CHD8: variants seen among roughly 807,000 people sequenced by gnomAD.
CHD8 encodes the protein ATP-dependent chromatin remodeler CHD8.
Under a neutral mutation model 279.2 loss-of-function variants are expected in CHD8, and 31 were observed. The ratio of observed to expected loss-of-function variants is 0.11; its 90% CI spans 0.08 to 0.15. CHD8 has a LOEUF of 0.15. Ranked by LOEUF, CHD8 falls within the 10% of genes least tolerant of loss-of-function variation. The pLI is 1.00. For synonymous variants in CHD8, 1,081 were observed against 1,139.6 expected (o/e 0.95, Z 1.04); for missense variants, 2,146 against 3,230.5 (o/e 0.66, Z 8.14).
At chr14:21,421,995 C>T (rs1253190451) in intron 5 of CHD8, among the ~76,000 whole-genome samples, 1 of 152,192 alleles carries the variant, frequency 6.6e-6, no homozygotes, top group Non-Finnish European at 1.5e-5. Flanking sequence ...CAGGAGAAAA[C>T]AAACTTGCAG....
intron 1 of CHD8, among the ~76,000 whole-genome samples, chr14:21,434,988 A>G (rs1316344562): frequency 6.6e-6 from 1 of 152,208 alleles, no homozygotes; most frequent in African/African-American, 2.4e-5. Context: ...AAAAATGAAC[A>G]GATGTTAAGT....
chr14:21,418,984 G>C (rs1888885367), intron 5 of CHD8, among the ~76,000 whole-genome samples: 1 of 152,152 alleles, frequency 6.6e-6, no homozygotes, highest in East Asian at 1.9e-4. Context: ...TTCTTCACTT[G>C]GTGAAGTAAC....
At chr14:21,445,993 C>T (rs542124383) in intron 1 of CHD8, among the ~76,000 whole-genome samples, 6 of 151,372 alleles carry the variant, frequency 4.0e-5, no homozygotes, top group Admixed American at 1.3e-4. Context: ...AGCGAGACTC[C>T]GTCTCAAAAA....
chr14:21,386,107 G>A lies in CHD8; in HGVS notation c.7252C>T (p.Arg2418Trp), dbSNP rs372825432. The change falls in exon 38 of 38, where the codon CGG becomes TGG. Residue 2418 changes from arginine (R) to tryptophan (W), a missense_variant. Physicochemically the swap from Arg to Trp is moderately radical, Grantham distance 101. Transcript: ENST00000646647. ...AGGTCTGGTCGCATCCTACGGGCCC[G>A]CTTCTTGCTGCTCTCTGGTGCAATA... ...GPIAPESSKK[R>W]ARRMRPDLSK... 121 of 1,555,292 alleles carry A rather than the reference G, an allele frequency of 7.8e-5. No homozygotes were observed. Among genetic ancestry groups the A allele is most frequent in the Non-Finnish European group, 9.7e-5 (112 of 1,148,962 alleles).
At position 21,427,877 on chromosome 14, in the gene CHD8, G is replaced by A. The variant is rs1044867253; in HGVS notation, c.1593C>T (p.Ser531=). The part of the protein sequence containing the change: ...TSGASKTKGK[S]KLNTITPVVG... ...TAGCAAGGAGTACTCACTTGAGCTT[G>A]CTCTTGCCCTTTGTTTTGGAGGCAC... Residue 531 remains serine (S), a synonymous_variant, in exon 4 of 38, where the codon AGC becomes AGT. Coordinates refer to ENST00000646647, the MANE Select transcript of CHD8 (RefSeq NM_001170629.2). 1 of 1,613,850 alleles carries A rather than the reference G, an allele frequency of 6.2e-7. No homozygotes were observed. The highest frequency in any genetic ancestry group is 1.3e-5 in the African/African-American group (1 of 75,018).
In CHD8 at chr14:21,402,355, C is replaced by T. The variant is rs1465047211; in HGVS notation, c.3863G>A (p.Arg1288Gln). 1.9e-6 allele frequency: 3 copies of T among 1,613,944 alleles called. No homozygotes were observed. Among genetic ancestry groups the T allele is most frequent in the East Asian group, 2.2e-5 (1 of 44,872 alleles). Reference protein sequence around the residue: ...DKAVLQSMSGRDGNITGIQQF... With the variant: ...DKAVLQSMSGQDGNITGIQQF... ...ACTCACTCCAGTAATGTTGCCATCC[C>T]GACCACTCATGGATTGAAGCACAGC... is the stretch of plus-strand genomic sequence containing the variant. The change falls in exon 19 of 38, where the codon CGG becomes CAG. Residue 1288 changes from arginine (R) to glutamine (Q), a missense_variant. Around this residue, in one of 26 missense-constraint regions of CHD8, gnomAD observed 35 missense variants for 82.4 expected, o/e 0.42. Transcript: ENST00000646647. This position sits in a 1 kb window ranked among gnomAD's most constrained non-coding sequence, Gnocchi z 4.5.
At chr14:21,437,215 G>C in intron 1 of CHD8, 1 of 1,181,204 alleles carries the variant, frequency 8.5e-7, no homozygotes, top group Non-Finnish European at 1.1e-6. Context: ...GTGGGGGGCC[G>C]GTTCGCCCCT....
Position 21,385,987 on chromosome 14 carries a change from A to G in CHD8, c.7372T>C (p.Ser2458Pro), listed in dbSNP as rs1272196603. The change falls in exon 38 of 38, where the codon TCA becomes CCA. Residue 2458 changes from serine (S) to proline (P), a missense_variant. By Grantham distance (74) the Ser-to-Pro change is moderately conservative (BLOSUM62 -1). Around this residue, in one of 26 missense-constraint regions of CHD8, gnomAD observed 336 missense variants for 392.9 expected, o/e 0.86. Transcript: ENST00000646647. ...GTGGCACTGCTGTGACCCAAAGATG[A>G]CACAGACTGTAGGCCACTACTGCTG... ...QHSSSGLQSV[S>P]SLGHSSATSA... The G allele has an allele frequency of 6.3e-7, 1 of 1,581,226 alleles. No individual in the cohort carries two copies. The highest frequency in any genetic ancestry group is 1.2e-5 in the South Asian group (1 of 86,092).
intron 1 of CHD8, among the ~76,000 whole-genome samples, chr14:21,445,819 G>A (rs926255024): frequency 1.3e-5 from 2 of 151,724 alleles, no homozygotes; most frequent in African/African-American, 4.8e-5. Context: ...GGCCAAGATG[G>A]TGAAACCCTG....
intron 16 of CHD8, among the ~76,000 whole-genome samples, chr14:21,404,606 C>G (rs1285715716): frequency 3.3e-5 from 5 of 152,056 alleles, no homozygotes; most frequent in African/African-American, 1.2e-4. Flanking sequence ...ACAGAGTAAC[C>G]TAAGAGTGTT....
intron 33 of CHD8, 85 bp from the exon 34 acceptor site, chr14:21,392,894 C>T: frequency 7.3e-7 from 1 of 1,364,488 alleles, no homozygotes; most frequent in Non-Finnish European, 1.0e-6. Flanking sequence ...GCCATCACTA[C>T]CAGGATGGGT....
rs112730374 is a variant in CHD8 at position 21,445,082 on chromosome 14, G to A, written c.-216+10950C>T. Among the ~76,000 whole-genome samples, 55 of 152,130 alleles carry A rather than the reference G, an allele frequency of 3.6e-4. 1 individual carries two copies. Among genetic ancestry groups the A allele is most frequent in the African/African-American group, 6.3e-4 (26 of 41,500 alleles). ...AGACCAGAAACCTACCTTACTACCC[G>A]TACCCAGTATTTTAAATTCCCATCT... is the stretch of plus-strand genomic sequence containing the variant. On this transcript the variant is annotated intron_variant, in intron 1 of 37. Coordinates refer to ENST00000646647, the MANE Select transcript of CHD8 (RefSeq NM_001170629.2).
In CHD8 at chr14:21,407,182, A is replaced by G. The variant is rs987062341; in HGVS notation, c.2731-150T>C. On this transcript the variant is annotated intron_variant, in intron 13 of 37. Transcript: ENST00000646647. Reference sequence around the variant, plus strand: ...CCACCGCTGTTTATCTTCCTGAAAAATAGTGCCATATCACTGAATGTAAGA... The same window carrying G: ...CCACCGCTGTTTATCTTCCTGAAAAGTAGTGCCATATCACTGAATGTAAGA... 1.4e-5 allele frequency: 9 copies of G among 625,586 alleles called. No individual in the cohort carries two copies. In the African/African-American group the frequency reaches 1.5e-4, roughly 10 times the overall value. The allele number at this position is 625,586 out of a possible 1,614,324, so 38.8% of individuals were successfully genotyped here.
chr14:21,414,646 G>T, intron 8 of CHD8: 2 of 592,284 alleles, frequency 3.4e-6, no homozygotes, highest in Non-Finnish European at 3.0e-6. Flanking sequence ...TGCTAATTCT[G>T]CTGATCCATG....
chr14:21,420,549 AAGT>A (rs1410929608), intron 5 of CHD8, among the ~76,000 whole-genome samples: 1 of 152,210 alleles, frequency 6.6e-6, no homozygotes, highest in African/African-American at 2.4e-5. Flanking sequence ...ATAAAAAAGA[AAGT>A]AGAGGAGGAG....
In CHD8 at chr14:21,400,716, A is replaced by T. The variant is rs934675275; in HGVS notation, c.4371-104T>A. ...GTGTGAAACAAAGATCTTAAAAAACATGGTAACAGAATAAACAGAACAAAC... is the reference window on the plus strand; with the variant it reads ...GTGTGAAACAAAGATCTTAAAAAACTTGGTAACAGAATAAACAGAACAAAC... On this transcript the variant is annotated intron_variant, in intron 22 of 37. Coordinates refer to ENST00000646647, the MANE Select transcript of CHD8 (RefSeq NM_001170629.2). The surrounding 1 kb of genome is among the most constrained non-coding windows in gnomAD (Gnocchi z 4.2). 8 of 1,294,920 alleles carry T rather than the reference A, an allele frequency of 6.2e-6. No homozygotes were observed. The East Asian group carries it at 1.9e-4, about 32-fold the overall frequency. 80.2% of individuals were successfully genotyped at this position (1,294,920 alleles called of 1,614,324 possible).
intron 1 of CHD8, chr14:21,437,153 G>C (rs1889818550): frequency 9.3e-7 from 1 of 1,076,218 alleles, no homozygotes; most frequent in African/African-American, 1.6e-5. Context: ...AGGAGAAAAC[G>C]AGCTGTGCCT....
chr14:21,399,249 C>A, intron 26 of CHD8: 1 of 295,878 alleles, frequency 3.4e-6, no homozygotes, highest in South Asian at 3.3e-5. Flanking sequence ...AGAGGAAAGT[C>A]ATATAAATTA....
Position 21,395,383 on chromosome 14 carries a change from A to T in CHD8, c.5128-31T>A, listed in dbSNP as rs1450451967. ...GAAGGAGATCCACCCAATAGGATGG[A>T]GCGGGGAGGGAAAGGGGGGGAAGTT... On this transcript the variant is annotated intron_variant, in intron 28 of 37. Coordinates refer to ENST00000646647, the MANE Select transcript of CHD8 (RefSeq NM_001170629.2). 2.6e-6 allele frequency: 4 copies of T among 1,541,598 alleles called. No individual in the cohort carries two copies. The East Asian group carries it at 9.1e-5, about 35-fold the overall frequency.
Sources: allele counts gnomAD v4.1 joint callset (sites outside exome capture counted in the v4.1 genomes callset), GRCh38; gene constraint gnomAD v4.1.1; regional missense constraint gnomAD v4.1.1; non-coding constraint Gnocchi (gnomAD v3.1); transcripts MANE v1.5; gene names NCBI Gene and HGNC (gene_info 2026-07-23, HGNC 2026-07-21).